SLC71A2: variants seen among roughly 807,000 people sequenced by gnomAD.
The protein encoded by SLC71A2 is solute carrier family 71 member 2, also known as hippocampus abundant transcript-like 1.
At chr9:94,386,026 G>T in the SLC71A2 span, among the ~76,000 whole-genome samples, 1 of 151,958 alleles carries the variant, frequency 6.6e-6, no homozygotes, top group Non-Finnish European at 1.5e-5. Flanking sequence ...ATTTGATAGG[G>T]ATTGTATTGA....
chr9:94,389,870 A>G, the SLC71A2 span, among the ~76,000 whole-genome samples: 1 of 151,734 alleles, frequency 6.6e-6, no homozygotes, highest in Non-Finnish European at 1.5e-5. Context: ...GGCCTCCCAA[A>G]GTGCTGGGAT....
chr9:94,445,296 T>C, the SLC71A2 span: 1 of 849,018 alleles, frequency 1.2e-6, no homozygotes, highest in East Asian at 2.7e-5. Flanking sequence ...ATTTCTTTAG[T>C]AAAAATAGAA....
the SLC71A2 span, among the ~76,000 whole-genome samples, chr9:94,386,776 G>A: frequency 6.6e-6 from 1 of 152,124 alleles, no homozygotes; most frequent in East Asian, 1.9e-4. Context: ...GATTTTCAGG[G>A]ATCTCTGTCC....
the SLC71A2 span, among the ~76,000 whole-genome samples, chr9:94,423,364 T>G: frequency 6.6e-6 from 1 of 152,148 alleles, no homozygotes; most frequent in Admixed American, 6.6e-5. Flanking sequence ...AGGTGACCTT[T>G]AAACCAAGCC....
At chr9:94,458,176 TC>T in the SLC71A2 span, 1 of 594,768 alleles carries the variant, frequency 1.7e-6, no homozygotes, top group Non-Finnish European at 2.8e-6. Context: ...GATAAAGTCT[TC>T]CTAATCTACT....
the SLC71A2 span, among the ~76,000 whole-genome samples, chr9:94,422,890 ACTTATTATTGATATATTTTC>A: frequency 6.7e-6 from 1 of 150,258 alleles, no homozygotes; most frequent in South Asian, 2.1e-4. Context: ...GCACACATAT[ACTTATTATTGATATATTTTC>A]CTTATTCTTG....
the SLC71A2 span, chr9:94,458,190 C>A: frequency 1.6e-6 from 1 of 609,494 alleles, no homozygotes; most frequent in Non-Finnish European, 2.6e-6. Flanking sequence ...AATCTACTTT[C>A]ATTAGCATGC....
the SLC71A2 span, among the ~76,000 whole-genome samples, chr9:94,449,383 A>C: frequency 1.3e-5 from 2 of 152,366 alleles, no homozygotes; most frequent in Admixed American, 6.5e-5. Context: ...TAAAAGACTT[A>C]ATAGCATCTT....
At chr9:94,390,669 G>C in the SLC71A2 span, among the ~76,000 whole-genome samples, 1 of 152,204 alleles carries the variant, frequency 6.6e-6, no homozygotes. Flanking sequence ...TTTTTGTCTA[G>C]TGTAGACATG....
the SLC71A2 span, among the ~76,000 whole-genome samples, chr9:94,406,514 C>T: frequency 6.6e-5 from 10 of 152,140 alleles, no homozygotes; most frequent in Non-Finnish European, 1.2e-4. Flanking sequence ...GCTGGGATTA[C>T]AGGAGTGAGC....
the SLC71A2 span, among the ~76,000 whole-genome samples, chr9:94,408,829 TTG>T: frequency 7.3e-4 from 101 of 137,718 alleles, 3 homozygotes; most frequent in Non-Finnish European, 1.3e-3. Context: ...TTTTTTTTGT[TTG>T]TTTGTTTTTT....
At chr9:94,446,694 TC>T in the SLC71A2 span, 1 of 506,346 alleles carries the variant, frequency 2.0e-6, no homozygotes, top group Non-Finnish European at 3.5e-6. Context: ...TGATAGAACT[TC>T]CTTTTATTAA....
the SLC71A2 span, among the ~76,000 whole-genome samples, chr9:94,385,620 A>G: frequency 2.0e-5 from 3 of 152,268 alleles, no homozygotes; most frequent in Admixed American, 6.5e-5. Flanking sequence ...CATTTGTTCA[A>G]GAGACCATTC....
At chr9:94,375,503 G>T in the SLC71A2 span, among the ~76,000 whole-genome samples, 1 of 151,998 alleles carries the variant, frequency 6.6e-6, no homozygotes, top group Non-Finnish European at 1.5e-5. Context: ...AAGCAATTGA[G>T]CCCTGACTTA....
chr9:94,377,965 A>C, the SLC71A2 span, among the ~76,000 whole-genome samples: 1 of 151,962 alleles, frequency 6.6e-6, no homozygotes, highest in Non-Finnish European at 1.5e-5. Flanking sequence ...TTAGCTGGGC[A>C]TGGTGGCAGG....
the SLC71A2 span, among the ~76,000 whole-genome samples, chr9:94,400,692 G>C: frequency 1.3e-5 from 2 of 151,908 alleles, no homozygotes; most frequent in Non-Finnish European, 2.9e-5. Context: ...TACATTCTGC[G>C]TTCCATCCTG....
chr9:94,387,256 G>A, the SLC71A2 span, among the ~76,000 whole-genome samples: 1 of 152,006 alleles, frequency 6.6e-6, no homozygotes, highest in Non-Finnish European at 1.5e-5. Context: ...GTCCCTTTCT[G>A]CACTTACTTC....
the SLC71A2 span, among the ~76,000 whole-genome samples, chr9:94,446,092 T>C: frequency 1.3e-5 from 2 of 152,168 alleles, no homozygotes; most frequent in African/African-American, 4.8e-5. Context: ...CGGGCAATCG[T>C]GGGGATTACT....
chr9:94,439,542 A>ATTTT, the SLC71A2 span, among the ~76,000 whole-genome samples: 1 of 142,598 alleles, frequency 7.0e-6, no homozygotes. Context: ...CTATTAATAG[A>ATTTT]TTTTTTTTTT....
Sources: gnomAD v4.1 joint callset for allele counts (sites outside exome capture counted in the v4.1 genomes callset) on GRCh38, gnomAD v4.1.1 for gene constraint, MANE v1.5 for transcripts, NCBI Gene and HGNC (gene_info 2026-07-23, HGNC 2026-07-21) for gene names.